RTN4RL1: variants seen among roughly 807,000 people sequenced by gnomAD.
The protein encoded by RTN4RL1 is reticulon 4 receptor like 1.
A neutral mutation model predicts 25.6 loss-of-function variants in RTN4RL1; 7 were observed. The ratio of observed to expected loss-of-function variants is 0.27; its 90% CI spans 0.16 to 0.51. RTN4RL1 has a LOEUF of 0.51. Among genes scored for constraint, RTN4RL1 ranks in the 20% least tolerant of loss-of-function variants. The pLI is 0.97. For synonymous variants in RTN4RL1, 297 were observed against 288.2 expected, an observed-to-expected ratio of 1.03 and a Z score of -0.31; for missense variants, 500 against 615.6, an observed-to-expected ratio of 0.81 and a Z score of 1.99.
At chr17:2,001,163 AG>A (rs2066955341) in intron 1 of RTN4RL1, among the ~76,000 whole-genome samples, 1 of 150,888 alleles carries the variant, frequency 6.6e-6, no homozygotes, top group African/African-American at 2.4e-5. Flanking sequence ...CTGGGATTAC[AG>A]GTGTGAGCCA....
rs1187182037 is a variant in RTN4RL1 at position 1,994,758 on chromosome 17, C to A, written c.13+30095G>T. Among the ~76,000 whole-genome samples, 1 of 152,110 alleles carries A rather than the reference C, an allele frequency of 6.6e-6. No homozygotes were observed. The highest frequency in any genetic ancestry group is 6.6e-5 in the Admixed American group (1 of 15,266). ...CTTCTCTAGGAAAGGGGATAATACA[C>A]GCTTGCGTTGGGGGAAAGGTGGTTA... On this transcript the variant is annotated intron_variant, in intron 1 of 1. Coordinates refer to ENST00000331238, the MANE Select transcript of RTN4RL1 (RefSeq NM_178568.4). This position sits in a 1 kb window ranked among gnomAD's most constrained non-coding sequence, Gnocchi z 4.3.
In RTN4RL1 at chr17:2,010,790, T is replaced by A. The variant is rs150512630; in HGVS notation, c.13+14063A>T. On this transcript the variant is annotated intron_variant, in intron 1 of 1. Coordinates refer to ENST00000331238, the MANE Select transcript of RTN4RL1 (RefSeq NM_178568.4). ...TTTGTAGAGATGAAGTCTCACTATGTTTCCCAGACTGGTCTTGAAATCCTG... is the reference window on the plus strand; with the variant it reads ...TTTGTAGAGATGAAGTCTCACTATGATTCCCAGACTGGTCTTGAAATCCTG... Among the ~76,000 whole-genome samples, 112 of 152,214 alleles carry A rather than the reference T, an allele frequency of 7.4e-4. No individual in the cohort carries two copies. The East Asian group carries it at 0.017, about 23-fold the overall frequency.
At chr17:1,993,001 G>C (rs917269396) in intron 1 of RTN4RL1, among the ~76,000 whole-genome samples, 3 of 152,178 alleles carry the variant, frequency 2.0e-5, no homozygotes, top group African/African-American at 7.2e-5. Flanking sequence ...CCAGCACTTT[G>C]GGAGGCCGAG....
chr17:1,965,673 C>G (rs979621800), intron 1 of RTN4RL1, among the ~76,000 whole-genome samples: 1 of 152,088 alleles, frequency 6.6e-6, no homozygotes, highest in African/African-American at 2.4e-5. Context: ...AGAGTTGGCT[C>G]AAGGTAGAGG....
intron 1 of RTN4RL1, among the ~76,000 whole-genome samples, chr17:2,014,548 C>T (rs1243560689): frequency 2.6e-5 from 4 of 152,168 alleles, no homozygotes; most frequent in Non-Finnish European, 5.9e-5. Context: ...GAACATGATT[C>T]AGGCTGGGCA....
intron 1 of RTN4RL1, among the ~76,000 whole-genome samples, chr17:1,964,761 C>T (rs1034978645): frequency 4.7e-5 from 7 of 150,402 alleles, no homozygotes; most frequent in Non-Finnish European, 1.0e-4. Flanking sequence ...TTAATTTCAC[C>T]GTTACAGTTT....
chr17:2,022,696 G>C (rs773970155), intron 1 of RTN4RL1, among the ~76,000 whole-genome samples: 1 of 152,258 alleles, frequency 6.6e-6, no homozygotes, highest in East Asian at 1.9e-4. Flanking sequence ...CCGTCCACAC[G>C]ATGCCCTAGG....
chr17:1,947,644 G>A (rs186950914), intron 1 of RTN4RL1, among the ~76,000 whole-genome samples: 4 of 152,338 alleles, frequency 2.6e-5, no homozygotes, highest in African/African-American at 9.6e-5. Context: ...GGCCTGGCTG[G>A]GAATGCCGTG....
At chr17:1,964,762 G>A (rs960736448) in intron 1 of RTN4RL1, among the ~76,000 whole-genome samples, 5 of 148,078 alleles carry the variant, frequency 3.4e-5, no homozygotes, top group African/African-American at 7.4e-5. Context: ...TAATTTCACC[G>A]TTACAGTTTG....
At chr17:2,003,979 G>C (rs1377010676) in intron 1 of RTN4RL1, among the ~76,000 whole-genome samples, 3 of 152,166 alleles carry the variant, frequency 2.0e-5, no homozygotes, top group African/African-American at 7.2e-5. Flanking sequence ...GCTGAGGCAG[G>C]AGAATCACTT....
intron 1 of RTN4RL1, among the ~76,000 whole-genome samples, chr17:2,024,382 G>A (rs537181017): frequency 2.0e-5 from 3 of 152,292 alleles, no homozygotes; most frequent in African/African-American, 7.2e-5. Context: ...TCCGGGCCCC[G>A]TCTGGGGAGC....
chr17:1,981,576 G>A (rs959842968), intron 1 of RTN4RL1, among the ~76,000 whole-genome samples: 4 of 152,132 alleles, frequency 2.6e-5, no homozygotes, highest in Non-Finnish European at 5.9e-5. Context: ...TGGCTGCCTC[G>A]TGTGCAGATA....
At chr17:1,995,144 A>T (rs2066923828) in intron 1 of RTN4RL1, among the ~76,000 whole-genome samples, 1 of 152,094 alleles carries the variant, frequency 6.6e-6, no homozygotes, top group African/African-American at 2.4e-5. Context: ...GGCCGAGTGC[A>T]GGGGCTCACA....
chr17:2,007,031 A>G (rs1284802642), intron 1 of RTN4RL1, among the ~76,000 whole-genome samples: 1 of 152,078 alleles, frequency 6.6e-6, no homozygotes, highest in African/African-American at 2.4e-5. Context: ...TACGGAACAC[A>G]TTGGCTGACC....
chr17:1,947,281 C>T (rs1360805845), intron 1 of RTN4RL1, among the ~76,000 whole-genome samples: 3 of 152,216 alleles, frequency 2.0e-5, no homozygotes, highest in African/African-American at 7.2e-5. Context: ...CAGCTGAGTG[C>T]ACGTGCAAAG....
intron 1 of RTN4RL1, among the ~76,000 whole-genome samples, chr17:2,014,586 C>A (rs2067094807): frequency 6.6e-6 from 1 of 152,186 alleles, no homozygotes. Flanking sequence ...AATCCCAGAG[C>A]TTTGGGAGGC....
In RTN4RL1 at chr17:1,971,738, G is replaced by A. The variant is rs549029160; in HGVS notation, c.14-33930C>T. On this transcript the variant is annotated intron_variant, in intron 1 of 1. Coordinates refer to ENST00000331238, the MANE Select transcript of RTN4RL1 (RefSeq NM_178568.4). ...AGCACTTTGGGGGGCAGAGGCGGGT[G>A]GATCACGAGGTCAGGAGATCGAGAC... Among the ~76,000 whole-genome samples, 98 of 151,962 alleles carry A rather than the reference G, an allele frequency of 6.4e-4. 1 individual carries two copies. Among genetic ancestry groups the A allele is most frequent in the South Asian group, 2.5e-3 (12 of 4,796 alleles).
intron 1 of RTN4RL1, among the ~76,000 whole-genome samples, chr17:2,022,939 C>T (rs1399251061): frequency 6.6e-6 from 1 of 152,240 alleles, no homozygotes; most frequent in Non-Finnish European, 1.5e-5. Context: ...CCACAGTGCA[C>T]TGTGCTCATC....
chr17:1,988,818 AG>A (rs150180112), intron 1 of RTN4RL1, among the ~76,000 whole-genome samples: 321 of 150,238 alleles, frequency 2.1e-3, no homozygotes, highest in African/African-American at 7.8e-3. Context: ...AGGCTGAGGC[AG>A]GGGCAACATT....
Sources: allele counts gnomAD v4.1 joint callset (sites outside exome capture counted in the v4.1 genomes callset), GRCh38; gene constraint gnomAD v4.1.1; non-coding constraint Gnocchi (gnomAD v3.1); transcripts MANE v1.5; gene names NCBI Gene and HGNC (gene_info 2026-07-23, HGNC 2026-07-21).